The following TMEM178B variants were observed in gnomAD, a reference collection of about 807,000 sequenced individuals.
TMEM178B encodes the protein transmembrane protein 178B.
A neutral mutation model predicts 31.0 loss-of-function variants in TMEM178B; 5 were observed. The ratio of observed to expected loss-of-function variants is 0.16; its 90% confidence interval spans 0.08 to 0.34. The LOEUF is 0.34. Among genes scored for constraint, TMEM178B ranks in the 10% least tolerant of loss-of-function variants. TMEM178B has a pLI of 1.00. For missense variants in TMEM178B, 275 were observed against 400.3 expected, an observed-to-expected ratio of 0.69 and a Z score of 2.67; for synonymous variants, 164 against 164.0, an observed-to-expected ratio of 1.00 and a Z score of 0.00.
chr7:141,204,530 A>G (rs571742620), intron 1 of TMEM178B, among the ~76,000 whole-genome samples: 1 of 152,316 alleles, frequency 6.6e-6, no homozygotes, highest in South Asian at 2.1e-4. Flanking sequence ...GATGTGGCAC[A>G]GGACACTGAG....
At chr7:141,338,259 A>G (rs977186661) in intron 2 of TMEM178B, among the ~76,000 whole-genome samples, 25 of 152,234 alleles carry the variant, frequency 1.6e-4, no homozygotes, top group African/African-American at 4.8e-5. Context: ...GCCTTTATTA[A>G]TAAGTCTATT....
intron 1 of TMEM178B, among the ~76,000 whole-genome samples, chr7:141,199,615 C>T (rs1004965478): frequency 6.6e-6 from 1 of 151,980 alleles, no homozygotes. Context: ...TGAGACAGGT[C>T]TTGCTCTATC....
At chr7:141,185,179 G>A (rs761743535) in intron 1 of TMEM178B, among the ~76,000 whole-genome samples, 1 of 152,324 alleles carries the variant, frequency 6.6e-6, no homozygotes, top group South Asian at 2.1e-4. Flanking sequence ...CCCAGTGGGC[G>A]TGTGTTACAG....
chr7:141,203,868 G>A (rs1796919177), intron 1 of TMEM178B, among the ~76,000 whole-genome samples: 1 of 152,166 alleles, frequency 6.6e-6, no homozygotes, highest in Admixed American at 6.5e-5. Flanking sequence ...CTGGGATGGA[G>A]GAAACACACG....
At chr7:141,462,379 A>G (rs369675008) in intron 3 of TMEM178B, among the ~76,000 whole-genome samples, 35 of 152,142 alleles carry the variant, frequency 2.3e-4, no homozygotes, top group African/African-American at 8.0e-4. Flanking sequence ...GCCCCTGGGG[A>G]TGGGGTGTAG....
At chr7:141,108,313 A>G (rs906778395) in intron 1 of TMEM178B, among the ~76,000 whole-genome samples, 6 of 152,176 alleles carry the variant, frequency 3.9e-5, no homozygotes, top group Non-Finnish European at 8.8e-5. Flanking sequence ...CAGAAGGAAA[A>G]TTTGCTGATA....
At chr7:141,076,703 G>A (rs1250419611) in intron 1 of TMEM178B, among the ~76,000 whole-genome samples, 5 of 152,120 alleles carry the variant, frequency 3.3e-5, no homozygotes, top group African/African-American at 9.7e-5. Context: ...ATTTTGTATC[G>A]ACTGATTTTT....
rs1368692400 is a variant in TMEM178B at position 141,074,724 on chromosome 7, G to C, written c.382+32G>C. 6 of 1,448,614 alleles carry C rather than the reference G, an allele frequency of 4.1e-6. No homozygotes were observed. Among genetic ancestry groups the C allele is most frequent in the Non-Finnish European group, 3.6e-6 (4 of 1,106,116 alleles). 89.7% of individuals were successfully genotyped at this position (1,448,614 alleles called of 1,614,324 possible). A position where few individuals can be genotyped will look rare whatever the true frequency, so the allele number is the denominator to read the frequency against. Reference sequence around the variant, plus strand: ...GCCGGGCGCAAGGCGTGGCGCTGCGGAGAGCCCGGCGCCTTTAGGCCCCGC... The same window carrying C: ...GCCGGGCGCAAGGCGTGGCGCTGCGCAGAGCCCGGCGCCTTTAGGCCCCGC... On this transcript the variant is annotated intron_variant, in intron 1 of 3. Transcript: ENST00000565468. This position sits in a 1 kb window ranked among gnomAD's most constrained non-coding sequence, Gnocchi z 5.1.
At chr7:141,266,391 C>T (rs1269951142) in intron 2 of TMEM178B, among the ~76,000 whole-genome samples, 3 of 152,144 alleles carry the variant, frequency 2.0e-5, no homozygotes, top group African/African-American at 7.2e-5. Context: ...TTCTGGTGCC[C>T]ATCAGTTATC....
rs1441977856 is a variant in TMEM178B at position 141,344,579 on chromosome 7, CCTT to C, written c.497-93027_497-93025del. On this transcript the variant is annotated intron_variant, in intron 2 of 3. Transcript: ENST00000565468. This position sits in a 1 kb window ranked among gnomAD's most constrained non-coding sequence, Gnocchi z 4.1. ...TCCCTCCATTCCTCCCTCCTCCCTT[CCTT>C]CCTTCCTTCCTTCCTTCCTTCCTTC... Among the ~76,000 whole-genome samples, 38 of 14,772 alleles carry C rather than the reference CCTT, an allele frequency of 2.6e-3. 1 individual carries two copies. Among genetic ancestry groups the C allele is most frequent in the African/African-American group, 6.1e-3 (32 of 5,238 alleles). The allele number at this position is 14,772 out of a possible 152,430, so 9.7% of individuals were successfully genotyped here. A position where few individuals can be genotyped will look rare whatever the true frequency, so the allele number is the denominator to read the frequency against.
intron 2 of TMEM178B, among the ~76,000 whole-genome samples, chr7:141,240,996 CT>C (rs11285589): frequency 0.68 from 98,731 of 144,160 alleles, 33,934 homozygotes; most frequent in Middle Eastern, 0.82. Flanking sequence ...TCTGGGATCC[CT>C]TTTTTTTTTT....
rs116722731 is a variant in TMEM178B at position 141,356,316 on chromosome 7, C to T, written c.497-81292C>T. On this transcript the variant is annotated intron_variant, in intron 2 of 3. Coordinates refer to ENST00000565468, the MANE Select transcript of TMEM178B (RefSeq NM_001195278.2). ...CAAACTGCTTTCCACAGTGACTGAA[C>T]GAGTTTACATTCCCACAAATAGTGT... Among the ~76,000 whole-genome samples the T allele has an allele frequency of 9.4e-4, 143 of 151,820 alleles. 1 individual carries two copies. The highest frequency in any genetic ancestry group is 1.6e-3 in the Non-Finnish European group (111 of 67,962).
intron 2 of TMEM178B, among the ~76,000 whole-genome samples, chr7:141,225,659 CT>C (rs1301480618): frequency 6.6e-6 from 1 of 152,296 alleles, no homozygotes; most frequent in East Asian, 1.9e-4. Context: ...AGTTTTGCCT[CT>C]GAATGGGCTT....
At chr7:141,467,999 A>C (rs1434983620) in intron 3 of TMEM178B, among the ~76,000 whole-genome samples, 1 of 151,728 alleles carries the variant, frequency 6.6e-6, no homozygotes, top group Non-Finnish European at 1.5e-5. Flanking sequence ...GCAAAACAAC[A>C]ATAAAATAAA....
chr7:141,395,920 A>G (rs1321991992), intron 2 of TMEM178B, among the ~76,000 whole-genome samples: 4 of 152,122 alleles, frequency 2.6e-5, no homozygotes, highest in African/African-American at 4.8e-5. Flanking sequence ...CTTCATATTC[A>G]GGAGGAGAGG....
rs535510447 is a variant in TMEM178B at position 141,320,389 on chromosome 7, A to G, written c.496+107685A>G. Reference sequence around the variant, plus strand: ...TATGAGTCAGAGAACTCCACCAGGCATGCATATTTGAGCTGGAAAAGTTGA... The same window carrying G: ...TATGAGTCAGAGAACTCCACCAGGCGTGCATATTTGAGCTGGAAAAGTTGA... On this transcript the variant is annotated intron_variant, in intron 2 of 3. Coordinates refer to ENST00000565468, the MANE Select transcript of TMEM178B (RefSeq NM_001195278.2). Among the ~76,000 whole-genome samples, 50 of 152,180 alleles carry G rather than the reference A, an allele frequency of 3.3e-4. 1 individual carries two copies. The highest frequency in any genetic ancestry group is 1.2e-3 in the South Asian group (6 of 4,822).
chr7:141,425,091 G>C (rs1801289202), intron 2 of TMEM178B, among the ~76,000 whole-genome samples: 2 of 152,196 alleles, frequency 1.3e-5, no homozygotes, highest in South Asian at 4.1e-4. Context: ...GTCGTTGGGA[G>C]GATGAATTGA....
chr7:141,204,062 C>T (rs374597953), intron 1 of TMEM178B, among the ~76,000 whole-genome samples: 25 of 152,270 alleles, frequency 1.6e-4, no homozygotes, highest in African/African-American at 5.8e-4. Flanking sequence ...TGTACCAGTT[C>T]GTTTTTCAAG....
intron 2 of TMEM178B, among the ~76,000 whole-genome samples, chr7:141,259,915 G>A (rs1401386207): frequency 6.6e-6 from 1 of 152,104 alleles, no homozygotes; most frequent in Non-Finnish European, 1.5e-5. Context: ...TCCTCTGTCT[G>A]TGCACAATGC....
Sources: allele counts gnomAD v4.1 joint callset (sites outside exome capture counted in the v4.1 genomes callset), GRCh38; gene constraint gnomAD v4.1.1; non-coding constraint Gnocchi (gnomAD v3.1); transcripts MANE v1.5; gene names NCBI Gene and HGNC (gene_info 2026-07-23, HGNC 2026-07-21).